The following LRRC37A2 variants were observed in gnomAD, a reference collection of about 807,000 sequenced individuals.
LRRC37A2 encodes leucine rich repeat containing 37 member A2, also known as leucine-rich repeat-containing protein 37A2.
LRRC37A2 carries 9 observed loss-of-function variants against 68.8 expected under a neutral mutation model. The observed-to-expected ratio is 0.13, with a 90% CI of 0.08 to 0.23. LRRC37A2 has a LOEUF of 0.23. LRRC37A2 is among the 10% of genes least tolerant of loss of function. LRRC37A2 has a pLI of 1.00. For missense variants in LRRC37A2, 168 were observed against 950.4 expected (o/e 0.18, Z 10.82); for synonymous variants, 63 against 367.6 (o/e 0.17, Z 9.48).
chr17:46,962,062 T>C, the LRRC37A2 span, among the ~76,000 whole-genome samples: 1 of 152,204 alleles, frequency 6.6e-6, no homozygotes, highest in South Asian at 2.1e-4. Context: ...CCAGGCACAG[T>C]GGCTCATGCC....
the LRRC37A2 span, among the ~76,000 whole-genome samples, chr17:46,390,105 C>T: frequency 4.2e-5 from 6 of 142,976 alleles, no homozygotes; most frequent in African/African-American, 1.0e-4. Context: ...GCACTGTCTT[C>T]GTGACTTGCA....
the LRRC37A2 span, among the ~76,000 whole-genome samples, chr17:46,800,233 C>T: frequency 6.6e-6 from 1 of 152,174 alleles, no homozygotes; most frequent in Non-Finnish European, 1.5e-5. Flanking sequence ...GCCTTAGCCT[C>T]CCGAGTAGCT....
the LRRC37A2 span, among the ~76,000 whole-genome samples, chr17:46,945,364 G>A: frequency 2.4e-4 from 37 of 152,184 alleles, no homozygotes; most frequent in Non-Finnish European, 1.5e-5. Flanking sequence ...GTGTGGACAA[G>A]CCCTACTGTC....
chr17:46,809,419 A>G, the LRRC37A2 span, among the ~76,000 whole-genome samples: 1 of 152,174 alleles, frequency 6.6e-6, no homozygotes, highest in Non-Finnish European at 1.5e-5. Flanking sequence ...TTTCCCAGAA[A>G]GGTCTTCCAG....
At chr17:46,836,983 C>T in the LRRC37A2 span, among the ~76,000 whole-genome samples, 1 of 152,094 alleles carries the variant, frequency 6.6e-6, no homozygotes, top group Admixed American at 6.6e-5. Flanking sequence ...CGCTCTGTCG[C>T]CCAGGCTGTA....
chr17:46,855,176 A>G, the LRRC37A2 span, among the ~76,000 whole-genome samples: 1 of 152,208 alleles, frequency 6.6e-6, no homozygotes, highest in Non-Finnish European at 1.5e-5. Flanking sequence ...CTCCAGTGCT[A>G]AGACAGTATG....
chr17:46,931,475 G>A, the LRRC37A2 span: 3 of 515,658 alleles, frequency 5.8e-6, no homozygotes, highest in Non-Finnish European at 1.0e-5. Context: ...TCTGTTTTTT[G>A]ACTAGATCCA....
intron 8 of LRRC37A2, among the ~76,000 whole-genome samples, chr17:46,542,683 A>G (rs2055589266): frequency 2.0e-5 from 3 of 150,262 alleles, no homozygotes; most frequent in Admixed American, 2.0e-4. Flanking sequence ...TGACAGAGCA[A>G]GACCCTGTCT....
chr17:46,958,932 C>T, the LRRC37A2 span, among the ~76,000 whole-genome samples: 13 of 152,320 alleles, frequency 8.5e-5, no homozygotes, highest in African/African-American at 2.4e-4. Flanking sequence ...TATTACAAGG[C>T]TGAGTGAATA....
chr17:46,990,038 A>T, the LRRC37A2 span, among the ~76,000 whole-genome samples: 1 of 152,238 alleles, frequency 6.6e-6, no homozygotes, highest in Non-Finnish European at 1.5e-5. Context: ...AAGATAAGCC[A>T]AAGTGGGCCA....
At chr17:46,996,290 C>T in the LRRC37A2 span, among the ~76,000 whole-genome samples, 4 of 152,210 alleles carry the variant, frequency 2.6e-5, no homozygotes, top group Non-Finnish European at 5.9e-5. Flanking sequence ...GAGAACACCA[C>T]AGGAAATAAG....
At chr17:46,851,651 C>T in the LRRC37A2 span, 1 of 1,283,318 alleles carries the variant, frequency 7.8e-7, no homozygotes, top group Non-Finnish European at 9.8e-7. This position sits in a 1 kb window ranked among gnomAD's most constrained non-coding sequence, Gnocchi z 4.3. Flanking sequence ...GCGCCCCCCG[C>T]CCGCGCTGGC....
intron 3 of LRRC37A2, among the ~76,000 whole-genome samples, chr17:46,519,477 TAGAG>T (rs1274099982): frequency 1.5e-5 from 2 of 129,682 alleles, no homozygotes; most frequent in East Asian, 2.3e-4. Flanking sequence ...CTATTAGGGT[TAGAG>T]AGAGGGATAT....
the LRRC37A2 span, among the ~76,000 whole-genome samples, chr17:46,748,851 A>C: frequency 2.0e-5 from 3 of 152,240 alleles, no homozygotes; most frequent in Non-Finnish European, 4.4e-5. Context: ...CAGTAAAACA[A>C]AATGTTGTCC....
intron 8 of LRRC37A2, among the ~76,000 whole-genome samples, chr17:46,545,886 T>C (rs1465743676): frequency 1.3e-5 from 2 of 150,306 alleles, no homozygotes; most frequent in Non-Finnish European, 2.9e-5. Flanking sequence ...CAACAGGAAT[T>C]GAGAAAGGGA....
At chr17:46,852,321 T>G in the LRRC37A2 span, among the ~76,000 whole-genome samples, 1 of 151,446 alleles carries the variant, frequency 6.6e-6, no homozygotes, top group African/African-American at 2.4e-5. Context: ...GCTGGGGAAA[T>G]GCGACCACAT....
chr17:46,749,878 A>T, the LRRC37A2 span: 7 of 1,614,128 alleles, frequency 4.3e-6, no homozygotes, highest in South Asian at 7.7e-5. Flanking sequence ...CAACATTGCC[A>T]CAGGAGAGCA....
chr17:47,006,382 G>T, the LRRC37A2 span, among the ~76,000 whole-genome samples: 2 of 152,126 alleles, frequency 1.3e-5, no homozygotes, highest in East Asian at 3.9e-4. Context: ...AGCACTTTGG[G>T]AGGCAGATCA....
chr17:46,993,872 T>C, the LRRC37A2 span, among the ~76,000 whole-genome samples: 2 of 150,854 alleles, frequency 1.3e-5, no homozygotes, highest in Non-Finnish European at 3.0e-5. Context: ...ATTTCCCAGA[T>C]GAGGCTCAGA....
Sources: gnomAD v4.1 joint callset for allele counts (sites outside exome capture counted in the v4.1 genomes callset) on GRCh38, gnomAD v4.1.1 for gene constraint, Gnocchi (gnomAD v3.1) non-coding constraint, MANE v1.5 for transcripts, NCBI Gene and HGNC (gene_info 2026-07-23, HGNC 2026-07-21) for gene names.